Variants in CAV1 observed in about 807,000 individuals in gnomAD.
The protein encoded by CAV1 is caveolin-1.
Under a neutral mutation model 16.5 loss-of-function variants are expected in CAV1, and 10 were observed. The observed-to-expected ratio is 0.61, with a 90% CI of 0.37 to 1.03. The LOEUF (loss-of-function observed/expected upper bound fraction) is 1.03. Ranked by LOEUF, CAV1 falls within the 50% of genes least tolerant of loss-of-function variation. CAV1 has a pLI of 0.01. For synonymous variants in CAV1, 76 were observed against 85.1 expected, an observed-to-expected ratio of 0.89 and a Z score of 0.59; for missense variants, 212 against 232.8, an observed-to-expected ratio of 0.91 and a Z score of 0.58.
intron 2 of CAV1, among the ~76,000 whole-genome samples, chr7:116,553,774 C>T (rs565838444): frequency 1.3e-5 from 2 of 152,098 alleles, no homozygotes; most frequent in Non-Finnish European, 2.9e-5. Flanking sequence ...GGGGAGTGAT[C>T]GTTTCAATGA....
chr7:116,534,391 A>ATTTTTTTTTTTT (rs1562830042), intron 2 of CAV1, among the ~76,000 whole-genome samples: 1 of 8,226 alleles, frequency 1.2e-4, no homozygotes, highest in Non-Finnish European at 2.4e-4. Context: ...ATATATATAT[A>ATTTTTTTTTTTT]TATATTTTTT....
intron 1 of CAV1, chr7:116,526,148 C>A (rs1006321640): frequency 1.1e-5 from 4 of 372,816 alleles, no homozygotes; most frequent in Non-Finnish European, 1.5e-5. Flanking sequence ...GAGAAGCCTG[C>A]GGCTGCCCCC....
At chr7:116,541,723 C>G (rs1793944863) in intron 2 of CAV1, among the ~76,000 whole-genome samples, 1 of 140,734 alleles carries the variant, frequency 7.1e-6, no homozygotes, top group Non-Finnish European at 1.5e-5. Context: ...CACTGCATGA[C>G]AGCCTGGGCA....
intron 2 of CAV1, among the ~76,000 whole-genome samples, chr7:116,531,504 C>A (rs1793685594): frequency 6.6e-6 from 1 of 152,112 alleles, no homozygotes; most frequent in Admixed American, 6.5e-5. Context: ...CATTCTAGAG[C>A]AATTGGTGAT....
At position 116,560,038 on chromosome 7, in the gene CAV1, T is replaced by C. The variant is rs9920; in HGVS notation, c.*751T>C. The C allele has an allele frequency of 0.077, 30,272 of 392,480 alleles. 1,438 individuals carry two copies. Among genetic ancestry groups the C allele is most frequent in the Non-Finnish European group, 0.1 (22,210 of 222,382 alleles). The allele number at this position is 392,480 out of a possible 1,614,324, so 24.3% of individuals were successfully genotyped here. A position where few individuals can be genotyped will look rare whatever the true frequency, so the allele number is the denominator to read the frequency against. ...CTCCCTGAAGACCAAAATTAGAATA[T>C]CCATGACCTAGTTTTCCATGCGTGT... On this transcript the variant is annotated 3_prime_UTR_variant, in exon 3 of 3. Transcript: ENST00000341049.
intron 1 of CAV1, 38 bp downstream of exon 1, chr7:116,525,130 G>A (rs1173077177): frequency 1.2e-6 from 2 of 1,614,046 alleles, no homozygotes; most frequent in African/African-American, 1.3e-5. Flanking sequence ...CGGGCGTGCG[G>A]GGAGTGTCCG....
intron 2 of CAV1, among the ~76,000 whole-genome samples, chr7:116,530,178 T>C (rs1241631381): frequency 6.7e-6 from 1 of 149,324 alleles, no homozygotes; most frequent in Non-Finnish European, 1.5e-5. Flanking sequence ...AGTAAGTCAC[T>C]GCTACATGGA....
Position 116,560,219 on chromosome 7 carries a change from C to T in CAV1, c.*932C>T. ...CTCTGTGGGCTGGCAGTCCTGGAAG[C>T]CAGCTTTCCCTGCCTCTCATCAACT... is the stretch of plus-strand genomic sequence containing the variant. On this transcript the variant is annotated 3_prime_UTR_variant, in exon 3 of 3. Coordinates refer to ENST00000341049, the MANE Select transcript of CAV1 (RefSeq NM_001753.5). 5.4e-6 allele frequency: 1 copy of T among 185,138 alleles called. No individual in the cohort carries two copies. Among genetic ancestry groups the T allele is most frequent in the African/African-American group, 2.3e-5 (1 of 42,988 alleles). 11.5% of individuals were successfully genotyped at this position (185,138 alleles called of 1,614,324 possible). A position where few individuals can be genotyped will look rare whatever the true frequency, so the allele number is the denominator to read the frequency against.
intron 1 of CAV1, chr7:116,525,449 GT>G: frequency 7.2e-7 from 1 of 1,384,364 alleles, no homozygotes; most frequent in Non-Finnish European, 9.5e-7. Context: ...CCTGCTGGGG[GT>G]TCGAAGAGGT....
intron 2 of CAV1, among the ~76,000 whole-genome samples, chr7:116,537,917 C>T (rs1194680462): frequency 6.6e-6 from 1 of 152,194 alleles, no homozygotes; most frequent in African/African-American, 2.4e-5. Flanking sequence ...GTAGAACTTC[C>T]AGTGACTAGA....
chr7:116,555,542 G>GAGAGAGAGAGAGAGAAAGAA (rs1478856618), intron 2 of CAV1, among the ~76,000 whole-genome samples: 1 of 12,124 alleles, frequency 8.2e-5, no homozygotes, highest in African/African-American at 2.4e-4. Flanking sequence ...GAGAGAGAGA[G>GAGAGAGAGAGAGAGAAAGAA]AGAAAGAAAG....
At chr7:116,534,001 G>A (rs1044688067) in intron 2 of CAV1, among the ~76,000 whole-genome samples, 1 of 151,958 alleles carries the variant, frequency 6.6e-6, no homozygotes, top group Non-Finnish European at 1.5e-5. Flanking sequence ...CGGATCAACT[G>A]AGGTCAGGAG....
chr7:116,540,326 G>T (rs1342798299), intron 2 of CAV1, among the ~76,000 whole-genome samples: 1 of 152,068 alleles, frequency 6.6e-6, no homozygotes, highest in Admixed American at 6.5e-5. Context: ...TGAAATGAAC[G>T]TCAGCTCTTT....
At chr7:116,540,997 T>C (rs1793924427) in intron 2 of CAV1, among the ~76,000 whole-genome samples, 1 of 152,212 alleles carries the variant, frequency 6.6e-6, no homozygotes, top group Non-Finnish European at 1.5e-5. Context: ...TGAATCCACA[T>C]GCCATACCTC....
intron 1 of CAV1, chr7:116,525,553 G>A: frequency 8.2e-7 from 1 of 1,219,262 alleles, no homozygotes; most frequent in South Asian, 1.6e-5. Context: ...CCCGCAGGCG[G>A]CGCGCGGTGT....
At chr7:116,555,492 G>GA (rs1432964177) in intron 2 of CAV1, among the ~76,000 whole-genome samples, 1 of 5,602 alleles carries the variant, frequency 1.8e-4, no homozygotes, top group African/African-American at 7.5e-4. Context: ...AGAAAAGAAA[G>GA]AAAGAAAGAA....
At chr7:116,525,251 G>A (rs1345151617) in intron 1 of CAV1, 159 bp downstream of exon 1, 11 of 1,604,180 alleles carry the variant, frequency 6.9e-6, no homozygotes, top group South Asian at 1.1e-5. Context: ...GGCCTGGGCG[G>A]GGAGGTGAAG....
At chr7:116,532,683 A>G (rs1793709514) in intron 2 of CAV1, among the ~76,000 whole-genome samples, 1 of 152,252 alleles carries the variant, frequency 6.6e-6, no homozygotes, top group African/African-American at 2.4e-5. Flanking sequence ...ATAGATGCTC[A>G]GAGGCAACCT....
chr7:116,526,725 A>G, intron 2 of CAV1, 36 bp downstream of exon 2: 1 of 1,613,084 alleles, frequency 6.2e-7, no homozygotes, highest in Non-Finnish European at 8.5e-7. Flanking sequence ...GGGCTGGGAC[A>G]GCTCTCCTCT....
Sources: allele counts gnomAD v4.1 joint callset (sites outside exome capture counted in the v4.1 genomes callset), GRCh38; gene constraint gnomAD v4.1.1; transcripts MANE v1.5; gene names NCBI Gene and HGNC (gene_info 2026-07-23, HGNC 2026-07-21).